TRIM24: variants seen among roughly 807,000 people sequenced by gnomAD.
TRIM24 encodes transcription intermediary factor 1-alpha.
TRIM24 carries 29 observed loss-of-function variants against 123.9 expected under a neutral mutation model. The observed-to-expected ratio is 0.23, with a 90% CI of 0.17 to 0.32. TRIM24 has a LOEUF of 0.32. Among genes scored for constraint, TRIM24 ranks in the 10% least tolerant of loss-of-function variants. The pLI, the probability that TRIM24 is intolerant of heterozygous loss-of-function variation, is 1.00. For missense variants in TRIM24, 932 were observed against 1,295.3 expected, an observed-to-expected ratio of 0.72 and a Z score of 4.31; for synonymous variants, 456 against 461.1, an observed-to-expected ratio of 0.99 and a Z score of 0.14.
intron 2 of TRIM24, among the ~76,000 whole-genome samples, chr7:138,508,138 C>A: frequency 6.6e-6 from 1 of 152,078 alleles, no homozygotes; most frequent in East Asian, 1.9e-4. Flanking sequence ...CACTTGCTTT[C>A]CTTTTCTTCC....
At chr7:138,573,434 T>G in intron 11 of TRIM24, 73 bp from the exon 12 acceptor site, 1 of 1,359,108 alleles carries the variant, frequency 7.4e-7, no homozygotes. Flanking sequence ...TTATTGAAGC[T>G]TTCTTATAAA....
At chr7:138,474,416 C>T (rs1010308620) in intron 1 of TRIM24, among the ~76,000 whole-genome samples, 3 of 152,206 alleles carry the variant, frequency 2.0e-5, no homozygotes, top group Admixed American at 6.5e-5. Flanking sequence ...TGAGCCACCG[C>T]GCCCGGCCTA....
intron 9 of TRIM24, among the ~76,000 whole-genome samples, chr7:138,556,948 G>A (rs1479854242): frequency 6.6e-6 from 1 of 152,200 alleles, no homozygotes; most frequent in Non-Finnish European, 1.5e-5. Context: ...CAGGCAAGGA[G>A]GCTTACAGAG....
In TRIM24 at chr7:138,585,944, A is replaced by G. The variant is rs754614207; in HGVS notation, c.*993A>G. On this transcript the variant is annotated 3_prime_UTR_variant, in exon 19 of 19. Transcript: ENST00000343526. ...TGGTTTTCATCTGTCTATAATTTGGAATGAAAATGTGTTGTAGGATTTTGG... is the reference window on the plus strand; with the variant it reads ...TGGTTTTCATCTGTCTATAATTTGGGATGAAAATGTGTTGTAGGATTTTGG... The G allele has an allele frequency of 1.9e-6, 1 of 514,664 alleles. No homozygotes were observed. Among genetic ancestry groups the G allele is most frequent in the Non-Finnish European group, 3.9e-6 (1 of 256,682 alleles). The allele number at this position is 514,664 out of a possible 1,614,324, so 31.9% of individuals were successfully genotyped here.
At chr7:138,546,097 T>C (rs906367553) in intron 7 of TRIM24, among the ~76,000 whole-genome samples, 2 of 152,182 alleles carry the variant, frequency 1.3e-5, no homozygotes, top group African/African-American at 2.4e-5. Context: ...AGAGTATTAG[T>C]AGAATCTCAG....
Position 138,560,177 on chromosome 7 carries a change from A to G in TRIM24, c.1530+5211A>G, listed in dbSNP as rs1797396954. ...GCCAATATTTCTTCAGTAGCTGTAT[A>G]AGTGTCCAATTCATGTGTTCCACTT... On this transcript the variant is annotated intron_variant, in intron 9 of 18. Coordinates refer to ENST00000343526, the MANE Select transcript of TRIM24 (RefSeq NM_015905.3). Among the ~76,000 whole-genome samples the G allele has an allele frequency of 4.6e-5, 7 of 152,284 alleles. 1 individual carries two copies. In the South Asian group the frequency reaches 1.5e-3, roughly 32 times the overall value.
intron 1 of TRIM24, 110 bp from the exon 2 acceptor site, chr7:138,504,180 A>G (rs1796099083): frequency 1.7e-6 from 1 of 603,016 alleles, no homozygotes; most frequent in Non-Finnish European, 2.7e-6. Flanking sequence ...GCAGGTATGA[A>G]TTTAAAAAGA....
At chr7:138,560,231 G>A (rs1299880853) in intron 9 of TRIM24, among the ~76,000 whole-genome samples, 1 of 152,216 alleles carries the variant, frequency 6.6e-6, no homozygotes, top group African/African-American at 2.4e-5. Flanking sequence ...TATAGGCTAT[G>A]TGTAACTTCC....
Position 138,577,447 on chromosome 7 carries a change from A to AGCT in TRIM24, c.2117_2119dup (p.Ala706dup). 6.3e-7 allele frequency: 1 copy of AGCT among 1,589,276 alleles called. No homozygotes were observed. Among genetic ancestry groups the AGCT allele is most frequent in the Admixed American group, 1.8e-5 (1 of 55,756 alleles). ...CTGGCTCTTCCAGCAAACCAGCAGG[A>AGCT]GCTGACTCTACACACAAAGTCCCAG... is the stretch of plus-strand genomic sequence containing the variant. On this transcript the variant is annotated inframe_insertion, in exon 14 of 19. Transcript: ENST00000343526.
At chr7:138,516,115 C>T (rs144755167) in intron 3 of TRIM24, among the ~76,000 whole-genome samples, 1 of 152,078 alleles carries the variant, frequency 6.6e-6, no homozygotes, top group Non-Finnish European at 1.5e-5. Flanking sequence ...CTGGCTAACA[C>T]GTTGAAACCC....
chr7:138,471,835 C>T (rs1795279583), intron 1 of TRIM24, among the ~76,000 whole-genome samples: 2 of 152,132 alleles, frequency 1.3e-5, no homozygotes, highest in African/African-American at 4.8e-5. Flanking sequence ...GCCACCGCAC[C>T]CGGCCTGGTA....
At chr7:138,463,253 GTTCTTACCTTCCTACC>G (rs956043386) in intron 1 of TRIM24, among the ~76,000 whole-genome samples, 34 of 150,386 alleles carry the variant, frequency 2.3e-4, no homozygotes, top group East Asian at 3.9e-4. Flanking sequence ...TCTTTCCTGC[GTTCTTACCTTCCTACC>G]TTCTTACCTT....
chr7:138,485,949 C>A (rs561845238), intron 1 of TRIM24, among the ~76,000 whole-genome samples: 1 of 152,306 alleles, frequency 6.6e-6, no homozygotes, highest in African/African-American at 2.4e-5. Flanking sequence ...AGTTTACACT[C>A]CCACCAACAG....
chr7:138,532,770 G>A (rs1391419111), intron 6 of TRIM24, among the ~76,000 whole-genome samples: 4 of 152,140 alleles, frequency 2.6e-5, no homozygotes, highest in Admixed American at 6.5e-5. Context: ...GTAGCTCAAC[G>A]GGGATGGCAT....
At chr7:138,535,307 G>A (rs1584725057) in intron 6 of TRIM24, among the ~76,000 whole-genome samples, 1 of 152,166 alleles carries the variant, frequency 6.6e-6, no homozygotes, top group Admixed American at 6.5e-5. Context: ...TTTCTTCCTA[G>A]CATCAGTGGT....
chr7:138,460,426 C>A lies in TRIM24; in HGVS notation c.-123C>A. 1 of 1,090,506 alleles carries A rather than the reference C, an allele frequency of 9.2e-7. No homozygotes were observed. Among genetic ancestry groups the A allele is most frequent in the Non-Finnish European group, 1.2e-6 (1 of 856,824 alleles). The allele number at this position is 1,090,506 out of a possible 1,614,324, so 67.6% of individuals were successfully genotyped here. ...CGCCCGGTTTGCTTTCCCTCCCTCG[C>A]TGGCGCTGCCGCGAGTCCACCGAGC... On this transcript the variant is annotated 5_prime_UTR_variant, in exon 1 of 19. It adds an upstream start codon to the 5' untranslated region. Transcript: ENST00000343526.
At position 138,554,915 on chromosome 7, in the gene TRIM24, A is replaced by T; in HGVS notation, c.1479A>T (p.Leu493Phe). 6.2e-7 allele frequency: 1 copy of T among 1,614,184 alleles called. No homozygotes were observed. Among genetic ancestry groups the T allele is most frequent in the Non-Finnish European group, 8.5e-7 (1 of 1,179,998 alleles). ...QVQRRPAPVG[L>F]PNPRMQGPIQ... ...AACGGAGGCCAGCACCTGTGGGTTT[A>T]CCAAACCCTAGAATGCAGGGGCCCA... is the stretch of plus-strand genomic sequence containing the variant. Residue 493 changes from leucine to phenylalanine, a missense_variant, in exon 9 of 19, where the codon TTA (leucine) becomes TTT (phenylalanine). Coordinates refer to ENST00000343526, the MANE Select transcript of TRIM24 (RefSeq NM_015905.3). This position sits in a 1 kb window ranked among gnomAD's most constrained non-coding sequence, Gnocchi z 4.5.
chr7:138,511,507 C>T (rs1796288165), intron 2 of TRIM24, among the ~76,000 whole-genome samples: 1 of 152,096 alleles, frequency 6.6e-6, no homozygotes, highest in South Asian at 2.1e-4. Flanking sequence ...CCAAGCTGGT[C>T]TCGAACTCCT....
chr7:138,573,482 C>G, intron 11 of TRIM24, 25 bp from the exon 12 acceptor site: 1 of 1,517,652 alleles, frequency 6.6e-7, no homozygotes, highest in Non-Finnish European at 8.8e-7. Flanking sequence ...TCAGAATGCC[C>G]TGAAATAATT....
Sources: gnomAD v4.1 joint callset for allele counts (sites outside exome capture counted in the v4.1 genomes callset) on GRCh38, gnomAD v4.1.1 for gene constraint, Gnocchi (gnomAD v3.1) non-coding constraint, MANE v1.5 for transcripts, NCBI Gene and HGNC (gene_info 2026-07-23, HGNC 2026-07-21) for gene names.